Variants in LGR6 observed in about 807,000 individuals in gnomAD.
LGR6 encodes leucine-rich repeat-containing G protein-coupled receptor 6.
A neutral mutation model predicts 69.4 loss-of-function variants in LGR6; 45 were observed. The observed-to-expected ratio is 0.65, with a 90% CI of 0.51 to 0.83. LGR6 has a LOEUF of 0.83. Ranked by LOEUF, LGR6 falls within the 40% of genes least tolerant of loss-of-function variation. LGR6 has a pLI of 0.00. For synonymous variants in LGR6, 538 were observed against 555.0 expected, an observed-to-expected ratio of 0.97 and a Z score of 0.43; for missense variants, 1,108 against 1,246.7, an observed-to-expected ratio of 0.89 and a Z score of 1.68.
chr1:202,258,671 C>T (rs1227511511), intron 4 of LGR6, among the ~76,000 whole-genome samples: 2 of 151,968 alleles, frequency 1.3e-5, no homozygotes, highest in South Asian at 4.2e-4. Context: ...GAGGTGTATA[C>T]ATTCATCTTG....
intron 4 of LGR6, among the ~76,000 whole-genome samples, chr1:202,260,142 G>C (rs779815599): frequency 6.6e-6 from 1 of 152,174 alleles, no homozygotes; most frequent in Non-Finnish European, 1.5e-5. Flanking sequence ...GGGTTCAAGT[G>C]ATTCTCCTGC....
At chr1:202,232,486 G>T (rs1197825647) in intron 3 of LGR6, among the ~76,000 whole-genome samples, 2 of 152,116 alleles carry the variant, frequency 1.3e-5, no homozygotes, top group Non-Finnish European at 2.9e-5. Context: ...TTGCCCCAGA[G>T]ATTTAACTGG....
intron 4 of LGR6, among the ~76,000 whole-genome samples, chr1:202,264,557 A>T (rs1048763723): frequency 1.3e-5 from 2 of 152,252 alleles, no homozygotes; most frequent in Middle Eastern, 3.4e-3. Context: ...AACCAGCCTG[A>T]TGTCTGCAAT....
chr1:202,297,692 T>C, intron 7 of LGR6, 116 bp downstream of exon 7: 1 of 785,224 alleles, frequency 1.3e-6, no homozygotes, highest in Non-Finnish European at 2.1e-6. Flanking sequence ...TTATAAAAGA[T>C]GTAGCTGTCC....
intron 4 of LGR6, among the ~76,000 whole-genome samples, chr1:202,266,564 T>G (rs1664680004): frequency 6.6e-6 from 1 of 150,950 alleles, no homozygotes; most frequent in South Asian, 2.1e-4. Context: ...ACCCGCACGT[T>G]CTTTTCCCTA....
intron 4 of LGR6, among the ~76,000 whole-genome samples, chr1:202,242,033 T>A (rs1662250312): frequency 6.6e-6 from 1 of 151,954 alleles, no homozygotes; most frequent in African/African-American, 2.4e-5. Flanking sequence ...GAAGCCAGGG[T>A]GGATAGATGA....
rs141005112 is a variant in LGR6 at position 202,231,823 on chromosome 1, T to C, written c.356+3816T>C. Among the ~76,000 whole-genome samples the C allele has an allele frequency of 1.0e-3, 152 of 152,308 alleles. 3 individuals carry two copies. The East Asian group carries it at 0.028, about 28-fold the overall frequency. On this transcript the variant is annotated intron_variant, in intron 3 of 17. Transcript: ENST00000367278. ...AAAGCATTTTGTGGGCTGGGTGCGG[T>C]GGCTCATGCCTGTAATCCCAGCACT...
At chr1:202,251,490 G>A (rs1384140580) in intron 4 of LGR6, among the ~76,000 whole-genome samples, 1 of 152,192 alleles carries the variant, frequency 6.6e-6, no homozygotes, top group Non-Finnish European at 1.5e-5. Context: ...CAGAGCTCCA[G>A]GTTGGGGTAT....
intron 4 of LGR6, among the ~76,000 whole-genome samples, chr1:202,257,816 A>G (rs2148088598): frequency 6.6e-6 from 1 of 152,214 alleles, no homozygotes; most frequent in East Asian, 1.9e-4. Flanking sequence ...ATTTCCATAT[A>G]AATTTTAGAA....
intron 4 of LGR6, among the ~76,000 whole-genome samples, chr1:202,253,907 G>A (rs556020900): frequency 1.5e-5 from 2 of 136,174 alleles, no homozygotes; most frequent in Admixed American, 8.1e-5. Flanking sequence ...CCGGGTTCAC[G>A]CCATTCTCCT....
At chr1:202,204,664 C>CACACACGCCTCCAA (rs1659020509) in intron 1 of LGR6, among the ~76,000 whole-genome samples, 1 of 24,502 alleles carries the variant, frequency 4.1e-5, no homozygotes, top group Non-Finnish European at 7.9e-5. Context: ...CCTCCAAACA[C>CACACACGCCTCCAA]ACACACGCCT....
Position 202,318,702 on chromosome 1 carries a change from T to C in LGR6, c.2399T>C (p.Leu800Pro). Residue 800 changes from leucine (L) to proline (P), a missense_variant, in exon 18 of 18, where the codon CTC (leucine) becomes CCC (proline). Transcript: ENST00000367278. The stretch of plus-strand genomic sequence containing the variant: ...CTCAGCTTTGCCTCCATGCTGGGCC[T>C]CTTCCCTGTCACGCCCGAGGCCGTC... ...AFLSFASMLG[L>P]FPVTPEAVKS... The C allele has an allele frequency of 6.2e-7, 1 of 1,613,612 alleles. No homozygotes were observed. The highest frequency in any genetic ancestry group is 1.1e-5 in the South Asian group (1 of 91,086).
At chr1:202,197,099 A>G (rs879028755) in intron 1 of LGR6, 2 of 533,012 alleles carry the variant, frequency 3.8e-6, no homozygotes, top group South Asian at 2.8e-5. Flanking sequence ...CCCAGGAGCT[A>G]TGGGCTCCAG....
At chr1:202,204,533 A>ACACACC in intron 1 of LGR6, among the ~76,000 whole-genome samples, 1 of 102,906 alleles carries the variant, frequency 9.7e-6, no homozygotes, top group East Asian at 2.9e-4. Context: ...AAACACACAC[A>ACACACC]CCTCCTTCAA....
chr1:202,205,796 A>G (rs1331451717), intron 1 of LGR6, among the ~76,000 whole-genome samples: 1 of 146,470 alleles, frequency 6.8e-6, no homozygotes, highest in Non-Finnish European at 1.5e-5. Context: ...CACCTCCTTC[A>G]AACATACACA....
At chr1:202,310,100 G>A (rs1653596211) in intron 15 of LGR6, 97 bp from the exon 16 acceptor site, 2 of 1,253,000 alleles carry the variant, frequency 1.6e-6, no homozygotes, top group Admixed American at 2.0e-5. Context: ...CAGACACTGA[G>A]TGCCCAGCCC....
chr1:202,277,201 G>C lies in LGR6; in HGVS notation c.644+680G>C, dbSNP rs547661454. Among the ~76,000 whole-genome samples the C allele has an allele frequency of 1.1e-4, 16 of 152,292 alleles. 1 individual carries two copies. In the South Asian group the frequency reaches 2.5e-3, roughly 24 times the overall value. ...ACACACTAATTGCTGCAGGAACATGGCTTAGGAACATGCATGTTAGTGACT... is the reference window on the plus strand; with the variant it reads ...ACACACTAATTGCTGCAGGAACATGCCTTAGGAACATGCATGTTAGTGACT... On this transcript the variant is annotated intron_variant, in intron 5 of 17. Transcript: ENST00000367278.
At chr1:202,205,708 C>A (rs1327356978) in intron 1 of LGR6, among the ~76,000 whole-genome samples, 7 of 126,622 alleles carry the variant, frequency 5.5e-5, no homozygotes, top group African/African-American at 1.9e-4. Context: ...ACACACACAC[C>A]CCTAACACAC....
intron 2 of LGR6, among the ~76,000 whole-genome samples, chr1:202,227,347 G>C (rs1217214659): frequency 6.6e-6 from 1 of 152,134 alleles, no homozygotes; most frequent in Non-Finnish European, 1.5e-5. Flanking sequence ...GTATTTCGTT[G>C]CATTTGCTCC....
Sources: gnomAD v4.1 joint callset for allele counts (sites outside exome capture counted in the v4.1 genomes callset) on GRCh38, gnomAD v4.1.1 for gene constraint, MANE v1.5 for transcripts, NCBI Gene and HGNC (gene_info 2026-07-23, HGNC 2026-07-21) for gene names.